Variants in MEF2A observed in about 807,000 individuals in gnomAD.
MEF2A encodes myocyte enhancer factor 2A.
A neutral mutation model predicts 55.8 loss-of-function variants in MEF2A; 28 were observed. The ratio of observed to expected loss-of-function variants is 0.50; its 90% CI spans 0.37 to 0.69. The LOEUF is 0.69. Ranked by LOEUF, MEF2A falls within the 30% of genes least tolerant of loss-of-function variation. MEF2A has a pLI of 0.00. For missense variants in MEF2A, 528 were observed against 626.2 expected, an observed-to-expected ratio of 0.84 and a Z score of 1.67; for synonymous variants, 239 against 227.1, an observed-to-expected ratio of 1.05 and a Z score of -0.47.
At chr15:99,626,499 G>A (rs2042074516) in intron 2 of MEF2A, among the ~76,000 whole-genome samples, 1 of 151,304 alleles carries the variant, frequency 6.6e-6, no homozygotes, top group Non-Finnish European at 1.5e-5. Flanking sequence ...GTTATTTCCT[G>A]CTTTCTGCTA....
At position 99,699,068 on chromosome 15, in the gene MEF2A, A is replaced by C. The variant is rs138913942; in HGVS notation, c.859-4294A>C. 2.2e-3 allele frequency among the ~76,000 whole-genome samples: 341 copies of C among 151,680 alleles called. 1 individual carries two copies. The highest frequency in any genetic ancestry group is 7.7e-3 in the African/African-American group (320 of 41,398). ...CCTGTCTTAAAAATTAAAAAAAAAA[A>C]AACAAAAAAAACTTGCTGTACAATC... is the stretch of plus-strand genomic sequence containing the variant. On this transcript the variant is annotated intron_variant, in intron 8 of 11. Transcript: ENST00000557942.
At chr15:99,681,327 T>C (rs898643464) in intron 7 of MEF2A, among the ~76,000 whole-genome samples, 24 of 152,198 alleles carry the variant, frequency 1.6e-4, no homozygotes, top group Non-Finnish European at 2.9e-4. Context: ...GCTTGATTGC[T>C]CTGAAGGTGG....
intron 3 of MEF2A, among the ~76,000 whole-genome samples, chr15:99,637,113 G>C (rs1196531698): frequency 6.7e-6 from 1 of 149,086 alleles, no homozygotes; most frequent in Admixed American, 6.7e-5. Context: ...GTGTAGTTCT[G>C]CACCTTTTTT....
rs1199136476 is a variant in MEF2A at position 99,666,549 on chromosome 15, G to A, written c.259-4774G>A. Reference sequence around the variant, plus strand: ...GTATACCTGTGTAACAAACCTGCACGTTCTGCACATGTATCCCAGAACTTA... The same window carrying A: ...GTATACCTGTGTAACAAACCTGCACATTCTGCACATGTATCCCAGAACTTA... On this transcript the variant is annotated intron_variant, in intron 4 of 11. Coordinates refer to ENST00000557942, the MANE Select transcript of MEF2A (RefSeq NM_001319206.4). Among the ~76,000 whole-genome samples, 4 of 148,320 alleles carry A rather than the reference G, an allele frequency of 2.7e-5. No homozygotes were observed. The South Asian group carries it at 6.4e-4, about 24-fold the overall frequency.
intron 4 of MEF2A, among the ~76,000 whole-genome samples, chr15:99,647,649 C>A (rs2046187722): frequency 6.6e-6 from 1 of 152,152 alleles, no homozygotes; most frequent in Non-Finnish European, 1.5e-5. Context: ...TAAGCAGTCT[C>A]CTATATTACA....
At chr15:99,606,034 C>A (rs1343598385) in intron 2 of MEF2A, among the ~76,000 whole-genome samples, 2 of 152,246 alleles carry the variant, frequency 1.3e-5, no homozygotes, top group East Asian at 3.9e-4. Context: ...TTATATAAAT[C>A]TACAGTCACT....
At chr15:99,659,996 G>C (rs1950579360) in intron 4 of MEF2A, among the ~76,000 whole-genome samples, 1 of 152,178 alleles carries the variant, frequency 6.6e-6, no homozygotes, top group Non-Finnish European at 1.5e-5. Flanking sequence ...AGTAATTCCA[G>C]TATTTCACAA....
At chr15:99,585,357 ACTTT>A (rs1380643992) in intron 1 of MEF2A, among the ~76,000 whole-genome samples, 2 of 152,084 alleles carry the variant, frequency 1.3e-5, no homozygotes, top group African/African-American at 4.8e-5. Flanking sequence ...GTGTATAATC[ACTTT>A]CTTCCTTAAA....
chr15:99,621,664 C>T (rs1427683740), intron 2 of MEF2A, among the ~76,000 whole-genome samples: 2 of 152,134 alleles, frequency 1.3e-5, no homozygotes, highest in African/African-American at 4.8e-5. Context: ...TGTCTAGTTT[C>T]CTATTTGACA....
intron 2 of MEF2A, among the ~76,000 whole-genome samples, chr15:99,630,639 A>T (rs1182878564): frequency 2.0e-5 from 3 of 152,170 alleles, no homozygotes; most frequent in African/African-American, 7.2e-5. Flanking sequence ...GAATTTCTAG[A>T]TGATGTTATC....
At chr15:99,568,371 T>C (rs966390293) in intron 1 of MEF2A, among the ~76,000 whole-genome samples, 5 of 152,098 alleles carry the variant, frequency 3.3e-5, no homozygotes, top group African/African-American at 1.2e-4. Flanking sequence ...CTTAAAAAGG[T>C]TGAGTTGTTT....
At chr15:99,676,673 C>T (rs775365387) in intron 7 of MEF2A, among the ~76,000 whole-genome samples, 4 of 151,738 alleles carry the variant, frequency 2.6e-5, no homozygotes, top group Admixed American at 1.3e-4. Flanking sequence ...CCCGGGTTCA[C>T]GCCATTCTGC....
chr15:99,710,824 G>A, intron 11 of MEF2A, 64 bp downstream of exon 11: 1 of 1,538,040 alleles, frequency 6.5e-7, no homozygotes, highest in Non-Finnish European at 8.8e-7. Context: ...TTTCCTATCA[G>A]TGACAGCCTT....
chr15:99,703,527 A>G, intron 9 of MEF2A, 142 bp downstream of exon 9: 1 of 633,568 alleles, frequency 1.6e-6, no homozygotes, highest in Non-Finnish European at 2.6e-6. Context: ...AAAGCAATCT[A>G]CTGGTACTAC....
intron 1 of MEF2A, among the ~76,000 whole-genome samples, chr15:99,570,392 TAAA>T (rs900287404): frequency 2.0e-5 from 3 of 151,980 alleles, no homozygotes; most frequent in Non-Finnish European, 2.9e-5. Flanking sequence ...CATGAAAACA[TAAA>T]AAGGAAACAA....
chr15:99,610,235 A>G (rs976601480), intron 2 of MEF2A, among the ~76,000 whole-genome samples: 2 of 152,196 alleles, frequency 1.3e-5, no homozygotes, highest in African/African-American at 4.8e-5. Flanking sequence ...GACACAGAGC[A>G]CCTGTACACT....
At position 99,712,542 on chromosome 15, in the gene MEF2A, C is replaced by A. The variant is rs369815961; in HGVS notation, c.1289C>A (p.Pro430Gln). Residue 430 changes from proline (P) to glutamine (Q), a missense_variant, in exon 12 of 12, where the codon CCG (proline) becomes CAG (glutamine). Pro to Gln is a moderately conservative substitution (Grantham distance 76, BLOSUM62 -1). Transcript: ENST00000557942. This position sits in a 1 kb window ranked among gnomAD's most constrained non-coding sequence, Gnocchi z 4.1. Reference sequence around the variant, plus strand: ...CAGCAGCAGCAGCAGCAGCAGCCGCCGCCACCACCGCAGCCCCAGCCACAA... The same window carrying A: ...CAGCAGCAGCAGCAGCAGCAGCCGCAGCCACCACCGCAGCCCCAGCCACAA... ...QQQQQQQQQP[P>Q]PPPQPQPQPP... is the part of the protein sequence containing the mutation. The A allele has an allele frequency of 3.2e-6, 5 of 1,547,380 alleles. No individual in the cohort carries two copies. The highest frequency in any genetic ancestry group is 2.9e-5 in the African/African-American group (2 of 70,152).
intron 1 of MEF2A, among the ~76,000 whole-genome samples, chr15:99,595,235 A>G (rs1221485941): frequency 6.6e-6 from 1 of 152,196 alleles, no homozygotes; most frequent in African/African-American, 2.4e-5. Flanking sequence ...AGCAATTAGT[A>G]TGCTGATTAG....
At chr15:99,573,071 G>T (rs1018886386) in intron 1 of MEF2A, among the ~76,000 whole-genome samples, 1 of 152,094 alleles carries the variant, frequency 6.6e-6, no homozygotes, top group African/African-American at 2.4e-5. Flanking sequence ...GGCGATTCAC[G>T]AGGTCAGGAG....
Sources: gnomAD v4.1 joint callset for allele counts (sites outside exome capture counted in the v4.1 genomes callset) on GRCh38, gnomAD v4.1.1 for gene constraint, Gnocchi (gnomAD v3.1) non-coding constraint, MANE v1.5 for transcripts, NCBI Gene and HGNC (gene_info 2026-07-23, HGNC 2026-07-21) for gene names.